Variants in CADM2 observed in about 807,000 individuals in gnomAD.
CADM2 encodes the protein cell adhesion molecule 2.
Under a neutral mutation model 49.8 loss-of-function variants are expected in CADM2, and 12 were observed. The ratio of observed to expected loss-of-function variants is 0.24; its 90% CI spans 0.15 to 0.39. CADM2 has a LOEUF of 0.39. CADM2 is among the 10% of genes least tolerant of loss of function. The pLI, the probability that CADM2 is intolerant of heterozygous loss-of-function variation, is 1.00. For missense variants in CADM2, 378 were observed against 492.3 expected (o/e 0.77, Z 2.20); for synonymous variants, 214 against 175.4 (o/e 1.22, Z -1.74).
intron 3 of CADM2, among the ~76,000 whole-genome samples, chr3:85,871,744 T>C (rs2075939413): frequency 6.6e-6 from 1 of 152,196 alleles, no homozygotes. Flanking sequence ...TTTTCCTCTA[T>C]GTGATGATGG....
At chr3:85,981,833 T>C (rs977616319) in intron 8 of CADM2, among the ~76,000 whole-genome samples, 1 of 151,778 alleles carries the variant, frequency 6.6e-6, no homozygotes, top group African/African-American at 2.4e-5. Flanking sequence ...GCGTGTGTCT[T>C]TATGGTAGAA....
chr3:85,852,772 A>G (rs2075158738), intron 3 of CADM2, among the ~76,000 whole-genome samples: 1 of 152,058 alleles, frequency 6.6e-6, no homozygotes, highest in South Asian at 2.1e-4. Flanking sequence ...ACATATTTGA[A>G]CAGAACCTAT....
intron 5 of CADM2, among the ~76,000 whole-genome samples, chr3:85,900,042 A>G (rs1577606528): frequency 6.6e-6 from 1 of 152,170 alleles, no homozygotes; most frequent in African/African-American, 2.4e-5. Context: ...ATTCTTTTGC[A>G]TGGGTTCTCC....
intron 3 of CADM2, among the ~76,000 whole-genome samples, chr3:85,831,663 CT>C (rs936152007): frequency 2.1e-4 from 32 of 151,194 alleles, no homozygotes; most frequent in African/African-American, 7.8e-4. Context: ...TCTTTGCTCC[CT>C]TTTTTAATGG....
intron 1 of CADM2, among the ~76,000 whole-genome samples, chr3:85,405,360 T>C (rs1310608670): frequency 6.6e-6 from 1 of 152,188 alleles, no homozygotes; most frequent in Non-Finnish European, 1.5e-5. Context: ...ATCATTATCT[T>C]ATTTTATCCT....
At chr3:86,030,219 A>G (rs1008091411) in intron 8 of CADM2, among the ~76,000 whole-genome samples, 7 of 152,016 alleles carry the variant, frequency 4.6e-5, no homozygotes, top group African/African-American at 1.4e-4. Flanking sequence ...AGAGACATAG[A>G]ATACTTACCC....
chr3:85,207,423 A>C (rs538283063), intron 1 of CADM2, among the ~76,000 whole-genome samples: 1 of 152,262 alleles, frequency 6.6e-6, no homozygotes, highest in Non-Finnish European at 1.5e-5. Flanking sequence ...TCATTTAAGT[A>C]AAACGTTATA....
intron 8 of CADM2, chr3:86,014,116 G>A: frequency 7.8e-7 from 1 of 1,284,412 alleles, no homozygotes. Flanking sequence ...CATTTTCAGT[G>A]GACACGCAGG....
At chr3:85,928,821 AC>A (rs1203341927) in intron 6 of CADM2, among the ~76,000 whole-genome samples, 1 of 152,156 alleles carries the variant, frequency 6.6e-6, no homozygotes, top group East Asian at 1.9e-4. Context: ...AAGAGCTCTT[AC>A]AATTTACTAA....
intron 7 of CADM2, among the ~76,000 whole-genome samples, chr3:85,947,413 T>C (rs560308518): frequency 8.6e-4 from 130 of 151,464 alleles, no homozygotes; most frequent in African/African-American, 3.1e-3. Context: ...GTGTGTGTTG[T>C]ACTTTGTGTT....
chr3:86,067,075 A>G lies in CADM2; in HGVS notation c.*292A>G, dbSNP rs988548777. Reference sequence around the variant, plus strand: ...ACAATGTTAATCATCTCCTTGGATCATTATATTGAGTGGTTTTTATACATT... The same window carrying G: ...ACAATGTTAATCATCTCCTTGGATCGTTATATTGAGTGGTTTTTATACATT... On this transcript the variant is annotated 3_prime_UTR_variant, in exon 10 of 10. Transcript: ENST00000383699. The G allele has an allele frequency of 1.4e-5, 4 of 295,034 alleles. No individual in the cohort carries two copies. The highest frequency in any genetic ancestry group is 8.7e-5 in the African/African-American group (4 of 45,736). The allele number at this position is 295,034 out of a possible 1,614,324, so 18.3% of individuals were successfully genotyped here.
rs879162445 is a variant in CADM2, at chr3:85,912,562, C to T, written c.700+19C>T. The T allele has an allele frequency of 5.0e-6, 8 of 1,601,298 alleles. No individual in the cohort carries two copies. The Admixed American group carries it at 1.2e-4, about 24-fold the overall frequency. ...ATACACTGTAAGTAAACACTACTTC[C>T]CCCTCCTTTATCTCAGCAGCAAATC... On this transcript the variant is annotated intron_variant, in intron 6 of 9. Transcript: ENST00000383699.
chr3:85,508,388 GAGAC>G (rs1402231978), intron 1 of CADM2, among the ~76,000 whole-genome samples: 1 of 152,170 alleles, frequency 6.6e-6, no homozygotes, highest in Non-Finnish European at 1.5e-5. Flanking sequence ...ATTCTGTGAA[GAGAC>G]AGACAGTTTA....
At chr3:85,180,702 A>T (rs1348125412) in intron 1 of CADM2, among the ~76,000 whole-genome samples, 2 of 152,166 alleles carry the variant, frequency 1.3e-5, no homozygotes, top group Non-Finnish European at 2.9e-5. Flanking sequence ...CTCCACACAA[A>T]CAATATCTAT....
chr3:85,788,289 A>G (rs1488022616), intron 2 of CADM2, among the ~76,000 whole-genome samples: 2 of 152,174 alleles, frequency 1.3e-5, no homozygotes, highest in Non-Finnish European at 2.9e-5. Context: ...CATATCAATA[A>G]TATAAACTGA....
At chr3:85,627,699 A>G (rs1165724669) in intron 1 of CADM2, among the ~76,000 whole-genome samples, 2 of 152,074 alleles carry the variant, frequency 1.3e-5, no homozygotes, top group African/African-American at 4.8e-5. Flanking sequence ...AGAGGAAGAG[A>G]TAAAAATCCA....
chr3:85,648,022 A>T (rs897311680), intron 1 of CADM2, among the ~76,000 whole-genome samples: 7 of 151,880 alleles, frequency 4.6e-5, no homozygotes, highest in African/African-American at 1.7e-4. Flanking sequence ...TGTGCAATTG[A>T]AATGAGTTAC....
intron 1 of CADM2, among the ~76,000 whole-genome samples, chr3:85,544,482 C>A (rs563139367): frequency 6.6e-6 from 1 of 152,028 alleles, no homozygotes; most frequent in Non-Finnish European, 1.5e-5. Context: ...GAGGCTGAGG[C>A]GGGTGAATGG....
At chr3:85,406,090 C>A (rs1320367995) in intron 1 of CADM2, among the ~76,000 whole-genome samples, 1 of 151,854 alleles carries the variant, frequency 6.6e-6, no homozygotes, top group African/African-American at 2.4e-5. Context: ...TCAAAAACAT[C>A]TTTAAAATAT....
Sources: gnomAD v4.1 joint callset for allele counts (sites outside exome capture counted in the v4.1 genomes callset) on GRCh38, gnomAD v4.1.1 for gene constraint, MANE v1.5 for transcripts, NCBI Gene and HGNC (gene_info 2026-07-23, HGNC 2026-07-21) for gene names.